Variants in DRD3 observed in about 807,000 individuals in gnomAD.
DRD3 encodes D(3) dopamine receptor.
DRD3 carries 19 observed loss-of-function variants against 36.3 expected under a neutral mutation model. The observed-to-expected ratio is 0.52, with a 90% CI of 0.36 to 0.77. The LOEUF (loss-of-function observed/expected upper bound fraction) is 0.77, where lower values mean the gene tolerates loss of function less well. Among genes scored for constraint, DRD3 ranks in the 30% least tolerant of loss-of-function variants. The pLI, the probability that DRD3 is intolerant of heterozygous loss-of-function variation, is 0.00. For synonymous variants in DRD3, 195 were observed against 203.7 expected (o/e 0.96, Z 0.36); for missense variants, 465 against 505.3 (o/e 0.92, Z 0.77).
intron 1 of DRD3, among the ~76,000 whole-genome samples, chr3:114,197,277 ATTTTTTTTT>A (rs58452737): frequency 3.4e-5 from 3 of 89,368 alleles, no homozygotes; most frequent in African/African-American, 4.7e-5. Context: ...AATTAAAAAA[ATTTTTTTTT>A]TTTTTTTTTT....
intron 2 of DRD3, among the ~76,000 whole-genome samples, chr3:114,168,100 A>C (rs1449017916): frequency 6.6e-6 from 1 of 152,186 alleles, no homozygotes; most frequent in Admixed American, 6.5e-5. Flanking sequence ...TTTTTCATTT[A>C]AGCCAATTGG....
chr3:114,191,435 C>G (rs2078010285), intron 1 of DRD3, among the ~76,000 whole-genome samples: 1 of 152,102 alleles, frequency 6.6e-6, no homozygotes, highest in Admixed American at 6.6e-5. Flanking sequence ...TTGAAAAGGC[C>G]AGTGTTGCTG....
chr3:114,147,946 CT>C (rs1317956924), intron 3 of DRD3, among the ~76,000 whole-genome samples: 1 of 152,074 alleles, frequency 6.6e-6, no homozygotes, highest in Non-Finnish European at 1.5e-5. Context: ...GTGAGGGGAA[CT>C]TTTCAAAAGA....
intron 2 of DRD3, among the ~76,000 whole-genome samples, chr3:114,167,021 T>G (rs2077792211): frequency 6.6e-6 from 1 of 152,234 alleles, no homozygotes; most frequent in Non-Finnish European, 1.5e-5. Context: ...AAAACCCACT[T>G]CTTTATTTTT....
intron 2 of DRD3, among the ~76,000 whole-genome samples, chr3:114,166,054 C>T (rs571407903): frequency 1.7e-4 from 25 of 149,622 alleles, no homozygotes; most frequent in African/African-American, 5.7e-4. Context: ...GGCACAATCT[C>T]GGCTCACTGC....
At chr3:114,177,895 C>T (rs925908852) in intron 1 of DRD3, among the ~76,000 whole-genome samples, 1 of 152,136 alleles carries the variant, frequency 6.6e-6, no homozygotes, top group Non-Finnish European at 1.5e-5. Context: ...TATCAGTAAG[C>T]AAAGGCTTCA....
intron 3 of DRD3, among the ~76,000 whole-genome samples, chr3:114,157,533 C>A (rs1270374757): frequency 6.6e-6 from 1 of 152,132 alleles, no homozygotes; most frequent in Non-Finnish European, 1.5e-5. Flanking sequence ...CTCCAGCCTG[C>A]TTTTTCTAGA....
intron 1 of DRD3, among the ~76,000 whole-genome samples, chr3:114,198,504 T>C (rs1361267168): frequency 6.6e-6 from 1 of 152,222 alleles, no homozygotes; most frequent in Admixed American, 6.5e-5. Context: ...TTTTATAGAT[T>C]GATTTCGTAT....
rs373430970 is a variant in DRD3 at position 114,163,305 on chromosome 3, A to C, written c.271-3438T>G. ...TCTATTGACATCCTCCATATCAAGC[A>C]ACAAATAGTAAGGGATCAATAAAGT... On this transcript the variant is annotated intron_variant, in intron 2 of 6. Coordinates refer to ENST00000383673, the MANE Select transcript of DRD3 (RefSeq NM_000796.6). 5.3e-5 allele frequency among the ~76,000 whole-genome samples: 8 copies of C among 152,182 alleles called. No individual in the cohort carries two copies. The South Asian group carries it at 1.2e-3, about 24-fold the overall frequency.
chr3:114,191,376 G>A (rs980390459), intron 1 of DRD3, among the ~76,000 whole-genome samples: 1 of 152,212 alleles, frequency 6.6e-6, no homozygotes, highest in Non-Finnish European at 1.5e-5. Context: ...AGTGGGAAGA[G>A]TATTCCCAGC....
intron 3 of DRD3, among the ~76,000 whole-genome samples, chr3:114,156,799 CTCT>C (rs1262101828): frequency 3.7e-4 from 34 of 91,646 alleles, no homozygotes; most frequent in African/African-American, 1.2e-3. Context: ...TTCTTTCTTT[CTCT>C]TTTCTTTTTC....
intron 1 of DRD3, among the ~76,000 whole-genome samples, chr3:114,198,545 A>AT (rs1176004223): frequency 6.6e-6 from 1 of 151,784 alleles, no homozygotes; most frequent in Non-Finnish European, 1.5e-5. Context: ...TTCTAGTAGG[A>AT]TTTTTTTTGG....
intron 1 of DRD3, among the ~76,000 whole-genome samples, chr3:114,174,682 G>A (rs926900338): frequency 5.3e-5 from 8 of 151,652 alleles, no homozygotes; most frequent in African/African-American, 1.2e-4. Flanking sequence ...TGAAAGCAAA[G>A]ATGAGTGAGA....
chr3:114,190,190 A>G (rs1470671487), intron 1 of DRD3, among the ~76,000 whole-genome samples: 1 of 151,830 alleles, frequency 6.6e-6, no homozygotes, highest in Non-Finnish European at 1.5e-5. Flanking sequence ...TATAATTTCA[A>G]TAAAATAGCA....
chr3:114,179,381 G>A (rs544470555), upstream of DRD3, among the ~76,000 whole-genome samples: 30 of 152,280 alleles, frequency 2.0e-4, 1 homozygote, highest in South Asian at 6.0e-3. Flanking sequence ...CTGAGGCATG[G>A]CGTATAACTG....
At chr3:114,185,568 T>G (rs564957700) in intron 1 of DRD3, among the ~76,000 whole-genome samples, 44 of 152,304 alleles carry the variant, frequency 2.9e-4, no homozygotes, top group African/African-American at 1.0e-3. Flanking sequence ...TGTTTTAAAG[T>G]CTTTGTCTAG....
rs1314009021 is a variant in DRD3, at chr3:114,131,309, C to T, written c.815G>A (p.Arg272Lys). ...TALGGPGFQE[R>K]GGELKREEKT... ...CTCCTCTCTTTTCAACTCTCCTCCT[C>T]TTTCTTGGAAGCCTGGTCCACCCAA... Residue 272 changes from arginine (R) to lysine (K), a missense_variant, in exon 6 of 7, where the codon AGA becomes AAA. Arg to Lys is a conservative substitution (Grantham distance 26). Transcript: ENST00000383673. The T allele has an allele frequency of 1.9e-6, 3 of 1,614,144 alleles. No homozygotes were observed. In the South Asian group the frequency reaches 3.3e-5, roughly 18 times the overall value.
chr3:114,171,908 G>C lies in DRD3; in HGVS notation c.85C>G (p.His29Asp). The change falls in exon 2 of 7, where the codon CAT becomes GAT. Residue 29 changes from histidine to aspartate, a missense_variant. By Grantham distance (81) the His-to-Asp change is moderately conservative. Coordinates refer to ENST00000383673, the MANE Select transcript of DRD3 (RefSeq NM_000796.6). ...NSTGASQARP[H>D]AYYALSYCAL... is the part of the protein sequence containing the mutation. ...CAGTAGGAGAGGGCATAGTAGGCAT[G>C]TGGGCGGGCCTGGCTGGCACCTGTG... 6.2e-7 allele frequency: 1 copy of C among 1,610,172 alleles called. No individual in the cohort carries two copies. Among genetic ancestry groups the C allele is most frequent in the Admixed American group, 1.7e-5 (1 of 59,600 alleles).
upstream of DRD3, among the ~76,000 whole-genome samples, chr3:114,182,584 C>T (rs1271845199): frequency 6.6e-6 from 1 of 151,662 alleles, no homozygotes; most frequent in Non-Finnish European, 1.5e-5. Flanking sequence ...TTTTTACTAC[C>T]CTCCATCATC....
Sources: gnomAD v4.1 joint callset for allele counts (sites outside exome capture counted in the v4.1 genomes callset) on GRCh38, gnomAD v4.1.1 for gene constraint, MANE v1.5 for transcripts, NCBI Gene and HGNC (gene_info 2026-07-23, HGNC 2026-07-21) for gene names.